The following ZNF362 variants were observed in gnomAD, a reference collection of about 807,000 sequenced individuals.
The protein encoded by ZNF362 is rotund homolog.
ZNF362 carries 11 observed loss-of-function variants against 42.9 expected under a neutral mutation model. That is an observed-to-expected ratio of 0.26 (90% confidence interval 0.16 to 0.42). ZNF362 has a LOEUF of 0.42. ZNF362 is among the 20% of genes least tolerant of loss of function. The pLI is 1.00. For synonymous variants in ZNF362, 255 were observed against 257.3 expected (o/e 0.99, Z 0.09); for missense variants, 362 against 576.2 (o/e 0.63, Z 3.81).
the ZNF362 span, among the ~76,000 whole-genome samples, chr1:33,151,973 A>C: frequency 6.6e-6 from 1 of 152,264 alleles, no homozygotes; most frequent in Non-Finnish European, 1.5e-5. Flanking sequence ...GCTGGCTGTA[A>C]GCGTTTTCCT....
At chr1:33,144,702 C>T in the ZNF362 span, among the ~76,000 whole-genome samples, 1 of 152,202 alleles carries the variant, frequency 6.6e-6, no homozygotes, top group African/African-American at 2.4e-5. Context: ...TGTCCACATG[C>T]AGAGCCTGTC....
chr1:33,159,638 G>T, the ZNF362 span: 7 of 1,571,998 alleles, frequency 4.5e-6, no homozygotes, highest in Non-Finnish European at 6.0e-6. The surrounding 1 kb of genome is among the most constrained non-coding windows in gnomAD (Gnocchi z 4.2). Context: ...CCCAGCATGG[G>T]TCGAGGAGGG....
intron 1 of ZNF362, among the ~76,000 whole-genome samples, chr1:33,268,957 C>T (rs988189705): frequency 6.6e-6 from 1 of 152,194 alleles, no homozygotes; most frequent in African/African-American, 2.4e-5. Context: ...CAGGCTCTTA[C>T]AACAGCTGAG....
the ZNF362 span, among the ~76,000 whole-genome samples, chr1:33,194,532 C>CAAAA: frequency 0.011 from 1,145 of 103,696 alleles, 22 homozygotes; most frequent in Middle Eastern, 0.023. Context: ...GACCCTGTCT[C>CAAAA]AAAAAAAAAA....
At chr1:33,181,336 G>A in the ZNF362 span, 5 of 1,580,918 alleles carry the variant, frequency 3.2e-6, no homozygotes, top group Non-Finnish European at 4.3e-6. The surrounding 1 kb of genome is among the most constrained non-coding windows in gnomAD (Gnocchi z 6.5). Context: ...GTGATGCAGC[G>A]GCGGCAGAAG....
chr1:33,192,687 T>C, the ZNF362 span, among the ~76,000 whole-genome samples: 3 of 152,038 alleles, frequency 2.0e-5, no homozygotes, highest in Non-Finnish European at 2.9e-5. Context: ...CTGAGAGTCA[T>C]TGGTTAAGAG....
chr1:33,148,985 C>G, the ZNF362 span, among the ~76,000 whole-genome samples: 1 of 152,186 alleles, frequency 6.6e-6, no homozygotes, highest in African/African-American at 2.4e-5. Context: ...CCCCCTACCC[C>G]ACTTAGGTCC....
the ZNF362 span, among the ~76,000 whole-genome samples, chr1:33,212,569 G>T: frequency 2.5e-3 from 384 of 152,264 alleles, 2 homozygotes; most frequent in Non-Finnish European, 4.5e-3. Flanking sequence ...TTGGCTTCTG[G>T]TGAGGCCTCA....
At chr1:33,243,800 A>G in the ZNF362 span, among the ~76,000 whole-genome samples, 4,431 of 144,934 alleles carry the variant, frequency 0.031, 99 homozygotes, top group Non-Finnish European at 0.049. Context: ...TAGTAGAGAC[A>G]GGGTTTCACC....
chr1:33,243,705 T>A, the ZNF362 span, among the ~76,000 whole-genome samples: 2 of 151,476 alleles, frequency 1.3e-5, no homozygotes, highest in Non-Finnish European at 2.9e-5. Flanking sequence ...CATGCTATTC[T>A]CCTGCCTCAG....
chr1:33,144,858 A>G, the ZNF362 span, among the ~76,000 whole-genome samples: 1 of 152,158 alleles, frequency 6.6e-6, no homozygotes, highest in Non-Finnish European at 1.5e-5. Flanking sequence ...GGTTCAGGAA[A>G]CCCATACAGC....
intron 8 of ZNF362, among the ~76,000 whole-genome samples, chr1:33,297,511 CTCTTTTTTTT>C (rs1646133544): frequency 1.3e-5 from 1 of 78,908 alleles, no homozygotes; most frequent in East Asian, 3.2e-4. Flanking sequence ...TACATGATTC[CTCTTTTTTTT>C]TTTTTTTTTG....
chr1:33,193,675 C>T, the ZNF362 span, among the ~76,000 whole-genome samples: 8 of 152,056 alleles, frequency 5.3e-5, no homozygotes, highest in Non-Finnish European at 1.0e-4. Flanking sequence ...AGATGGGACG[C>T]AAATGTGATA....
At chr1:33,209,767 A>G in the ZNF362 span, among the ~76,000 whole-genome samples, 1 of 152,088 alleles carries the variant, frequency 6.6e-6, no homozygotes, top group African/African-American at 2.4e-5. Context: ...ATCGGTGGTG[A>G]TATCCCCTTT....
At chr1:33,218,978 C>CACACACACACATAT in the ZNF362 span, among the ~76,000 whole-genome samples, 2 of 134,340 alleles carry the variant, frequency 1.5e-5, no homozygotes, top group Non-Finnish European at 3.3e-5. Context: ...CACACACACA[C>CACACACACACATAT]ACATACACCA....
chr1:33,181,219 C>T, the ZNF362 span: 1 of 1,574,572 alleles, frequency 6.4e-7, no homozygotes, highest in Non-Finnish European at 8.6e-7. The surrounding 1 kb of genome is among the most constrained non-coding windows in gnomAD (Gnocchi z 6.5). Flanking sequence ...TAGCGCTCCA[C>T]GATGTTGGCC....
the ZNF362 span, among the ~76,000 whole-genome samples, chr1:33,203,798 C>G: frequency 6.6e-6 from 1 of 152,068 alleles, no homozygotes; most frequent in Non-Finnish European, 1.5e-5. Flanking sequence ...CAGTCCTTTG[C>G]GCATTTTTTA....
chr1:33,220,778 C>G, the ZNF362 span, among the ~76,000 whole-genome samples: 4 of 152,304 alleles, frequency 2.6e-5, no homozygotes, highest in Non-Finnish European at 5.9e-5. Context: ...AACCCAGAGT[C>G]TTTGGAGCTA....
the ZNF362 span, among the ~76,000 whole-genome samples, chr1:33,183,568 G>C: frequency 3.7e-3 from 557 of 151,492 alleles, 4 homozygotes; most frequent in Non-Finnish European, 6.1e-3. Context: ...TGGTCTCATG[G>C]AGTGAGTCTT....
Sources: gnomAD v4.1 joint callset for allele counts (sites outside exome capture counted in the v4.1 genomes callset) on GRCh38, gnomAD v4.1.1 for gene constraint, Gnocchi (gnomAD v3.1) non-coding constraint, MANE v1.5 for transcripts, NCBI Gene and HGNC (gene_info 2026-07-23, HGNC 2026-07-21) for gene names.